TRIM44: variants seen among roughly 807,000 people sequenced by gnomAD.
TRIM44 encodes tripartite motif-containing protein 44.
In TRIM44, 13 loss-of-function variants were observed where a neutral mutation model predicts 37.4. The ratio of observed to expected loss-of-function variants is 0.35; its 90% confidence interval spans 0.23 to 0.55. TRIM44 has a LOEUF of 0.55. Ranked by LOEUF, TRIM44 falls within the 20% of genes least tolerant of loss-of-function variation. TRIM44 has a pLI of 0.89. For missense variants in TRIM44, 426 were observed against 437.2 expected (o/e 0.97, Z 0.23); for synonymous variants, 175 against 157.2 (o/e 1.11, Z -0.85).
intron 2 of TRIM44, among the ~76,000 whole-genome samples, chr11:35,691,277 T>G (rs1337522641): frequency 2.0e-5 from 3 of 152,226 alleles, no homozygotes; most frequent in East Asian, 3.8e-4. Flanking sequence ...ATGTGGCCCC[T>G]TTTTATCCTC....
At chr11:35,787,117 G>C (rs1853140658) in intron 4 of TRIM44, among the ~76,000 whole-genome samples, 2 of 152,196 alleles carry the variant, frequency 1.3e-5, no homozygotes, top group South Asian at 4.1e-4. Context: ...CTCTGGGAAA[G>C]CGGTGTGGGC....
At chr11:35,691,149 T>C (rs1312265015) in intron 2 of TRIM44, among the ~76,000 whole-genome samples, 1 of 152,188 alleles carries the variant, frequency 6.6e-6, no homozygotes, top group Non-Finnish European at 1.5e-5. Context: ...CTCAGAGCAT[T>C]TAGCCCTCGC....
intron 4 of TRIM44, among the ~76,000 whole-genome samples, chr11:35,737,739 G>A (rs754892400): frequency 2.0e-4 from 30 of 152,156 alleles, no homozygotes; most frequent in Middle Eastern, 6.8e-3. Context: ...GGGAGGCTAA[G>A]GCAGGAGAAT....
intron 1 of TRIM44, among the ~76,000 whole-genome samples, chr11:35,669,241 A>C (rs994598253): frequency 6.6e-6 from 1 of 152,106 alleles, no homozygotes; most frequent in Non-Finnish European, 1.5e-5. Flanking sequence ...CCTTCTACTA[A>C]ATTAATTTCT....
chr11:35,702,940 G>T (rs1168135637), intron 2 of TRIM44, among the ~76,000 whole-genome samples: 1 of 152,214 alleles, frequency 6.6e-6, no homozygotes. Flanking sequence ...TGCACGAGCC[G>T]AAGCAGGGCG....
At chr11:35,694,839 G>C (rs1238594225) in intron 2 of TRIM44, among the ~76,000 whole-genome samples, 1 of 152,102 alleles carries the variant, frequency 6.6e-6, no homozygotes, top group African/African-American at 2.4e-5. Flanking sequence ...GATGTTCTTA[G>C]ATGATCCGGT....
chr11:35,779,952 TC>T (rs1327859449), intron 4 of TRIM44, among the ~76,000 whole-genome samples: 2 of 151,888 alleles, frequency 1.3e-5, no homozygotes, highest in Non-Finnish European at 2.9e-5. Context: ...TCTATTCTGT[TC>T]CATTGATCGG....
chr11:35,755,780 G>A (rs1338201906), intron 4 of TRIM44, among the ~76,000 whole-genome samples: 1 of 152,140 alleles, frequency 6.6e-6, no homozygotes, highest in Non-Finnish European at 1.5e-5. Context: ...CCCATTGCTT[G>A]TTTTTCTCAG....
intron 2 of TRIM44, 40 bp downstream of exon 2, chr11:35,685,376 A>G (rs1258846220): frequency 1.3e-6 from 2 of 1,545,240 alleles, no homozygotes; most frequent in South Asian, 1.1e-5. Flanking sequence ...TGGTACCCCA[A>G]GCATTTCATT....
chr11:35,759,782 G>A (rs997940680), intron 4 of TRIM44, among the ~76,000 whole-genome samples: 3 of 152,208 alleles, frequency 2.0e-5, no homozygotes, highest in Non-Finnish European at 4.4e-5. Context: ...GTTTGCCTGG[G>A]TATCAGCAGC....
rs57127722 is a variant in TRIM44, at chr11:35,792,072, TACACACAC to T, written c.1008-14253_1008-14246del. On this transcript the variant is annotated intron_variant, in intron 4 of 4. Coordinates refer to ENST00000299413, the MANE Select transcript of TRIM44 (RefSeq NM_017583.6). ...CCATCCCTTCCTGAGGAGTTGCCCCTACACACACACACACACACACACACACACACACA... is the reference window on the plus strand; with the variant it reads ...CCATCCCTTCCTGAGGAGTTGCCCCTACACACACACACACACACACACACA... Among the ~76,000 whole-genome samples, 825 of 136,828 alleles carry T rather than the reference TACACACAC, an allele frequency of 6.0e-3. 8 individuals carry two copies. The highest frequency in any genetic ancestry group is 0.014 in the South Asian group (62 of 4,332). 89.8% of individuals were successfully genotyped at this position (136,828 alleles called of 152,430 possible).
chr11:35,795,463 A>G (rs1206978788), intron 4 of TRIM44, among the ~76,000 whole-genome samples: 1 of 152,022 alleles, frequency 6.6e-6, no homozygotes, highest in Non-Finnish European at 1.5e-5. Flanking sequence ...GTGCAGGGTG[A>G]GTCAATAGGA....
chr11:35,667,916 A>G (rs567049239), intron 1 of TRIM44, among the ~76,000 whole-genome samples: 60 of 152,208 alleles, frequency 3.9e-4, no homozygotes, highest in African/African-American at 1.4e-3. Context: ...AAATTGGCCT[A>G]TCATTGTTCT....
At chr11:35,794,516 G>A (rs554963570) in intron 4 of TRIM44, among the ~76,000 whole-genome samples, 111 of 152,278 alleles carry the variant, frequency 7.3e-4, no homozygotes, top group Non-Finnish European at 1.1e-3. Context: ...CATGGGCCAC[G>A]CCATCCTTTA....
In TRIM44 at chr11:35,811,245, T is replaced by C. The variant is rs1259290161; in HGVS notation, c.*4860T>C. The C allele has an allele frequency of 1.3e-5, 2 of 152,170 alleles. No homozygotes were observed. Among genetic ancestry groups the C allele is most frequent in the African/African-American group, 4.8e-5 (2 of 41,442 alleles). 9.4% of individuals were successfully genotyped at this position (152,170 alleles called of 1,614,324 possible). A position where few individuals can be genotyped will look rare whatever the true frequency, so the allele number is the denominator to read the frequency against. On this transcript the variant is annotated 3_prime_UTR_variant, in exon 5 of 5. Transcript: ENST00000299413. ...AAGTGGCAAAAGAACAGACTTAAGA[T>C]CATTATTATTTAGTGATAAGTTTTC...
chr11:35,747,199 G>A (rs746853417), intron 4 of TRIM44, among the ~76,000 whole-genome samples: 5 of 152,242 alleles, frequency 3.3e-5, no homozygotes, highest in African/African-American at 4.8e-5. Context: ...CCAACTTCTC[G>A]CTACCTTTCA....
At chr11:35,696,801 C>T (rs1851705205) in intron 2 of TRIM44, among the ~76,000 whole-genome samples, 1 of 151,022 alleles carries the variant, frequency 6.6e-6, no homozygotes, top group Non-Finnish European at 1.5e-5. Context: ...GAGCCGAGAT[C>T]ATGCCATTGC....
At chr11:35,782,448 G>C (rs988736942) in intron 4 of TRIM44, among the ~76,000 whole-genome samples, 1 of 152,114 alleles carries the variant, frequency 6.6e-6, no homozygotes, top group African/African-American at 2.4e-5. Flanking sequence ...GTAAATAAAG[G>C]TATGTTTGTT....
At chr11:35,726,420 G>A (rs180869487) in intron 3 of TRIM44, among the ~76,000 whole-genome samples, 107 of 152,190 alleles carry the variant, frequency 7.0e-4, no homozygotes, top group African/African-American at 2.3e-3. Context: ...AATTAAGAAA[G>A]GAAGCCAAAA....
Sources: gnomAD v4.1 joint callset for allele counts (sites outside exome capture counted in the v4.1 genomes callset) on GRCh38, gnomAD v4.1.1 for gene constraint, MANE v1.5 for transcripts, NCBI Gene and HGNC (gene_info 2026-07-23, HGNC 2026-07-21) for gene names.